DIAPH2: variants seen among roughly 807,000 people sequenced by gnomAD.
DIAPH2 encodes the protein diaphanous related formin 2.
A neutral mutation model predicts 92.7 loss-of-function variants in DIAPH2; 35 were observed. The ratio of observed to expected loss-of-function variants is 0.38; its 90% CI spans 0.29 to 0.50. The LOEUF (loss-of-function observed/expected upper bound fraction) is 0.50, where lower values mean the gene tolerates loss of function less well. DIAPH2 is among the 20% of genes least tolerant of loss of function. The pLI, the probability that DIAPH2 is intolerant of heterozygous loss-of-function variation, is 0.94. For missense variants in DIAPH2, 701 were observed against 819.5 expected (o/e 0.86, Z 1.77); for synonymous variants, 301 against 280.4 (o/e 1.07, Z -0.73).
chrX:97,558,142 A>G (rs537318310), intron 26 of DIAPH2, among the ~76,000 whole-genome samples: 3 of 112,066 alleles, frequency 2.7e-5, no homozygotes, highest in East Asian at 5.6e-4. Context: ...ACAAGGGCAC[A>G]TTCATGTCCT....
chrX:97,440,707 A>G (rs899008074), intron 26 of DIAPH2, among the ~76,000 whole-genome samples: 10 of 110,881 alleles, frequency 9.0e-5, no homozygotes, highest in African/African-American at 3.3e-4. Context: ...GAGCTTTTCA[A>G]AGAGAAAGAG....
chrX:97,351,656 A>C (rs2147694190), intron 24 of DIAPH2, among the ~76,000 whole-genome samples: 1 of 110,894 alleles, frequency 9.0e-6, no homozygotes. Context: ...ACAAAAAATT[A>C]GCCGGGCGTG....
intron 17 of DIAPH2, among the ~76,000 whole-genome samples, chrX:97,040,686 G>C (rs770422405): frequency 1.8e-5 from 2 of 110,354 alleles, no homozygotes; most frequent in African/African-American, 6.6e-5. Context: ...GGAAGTGTTA[G>C]TAACATTTCT....
intron 4 of DIAPH2, among the ~76,000 whole-genome samples, chrX:96,827,236 T>C (rs1401247709): frequency 2.7e-5 from 3 of 111,963 alleles, no homozygotes; most frequent in Non-Finnish European, 5.6e-5. Context: ...ATCATAGGTT[T>C]AAAGCATACT....
rs1287766413 is a variant in DIAPH2 at position 96,888,615 on chromosome X, C to CTG, written c.587+6898_587+6899insGT. Among the ~76,000 whole-genome samples the CTG allele has an allele frequency of 5.3e-5, 5 of 93,589 alleles. No individual in the cohort carries two copies. In the East Asian group the frequency reaches 1.3e-3, roughly 24 times the overall value. The allele number at this position is 93,589 out of a possible 115,157, so 81.3% of individuals were successfully genotyped here. A position where few individuals can be genotyped will look rare whatever the true frequency, so the allele number is the denominator to read the frequency against. ...TACAGATATATATATCTATATATAT[C>CTG]TATATATATACACAGATATATATAT... is the stretch of plus-strand genomic sequence containing the variant. On this transcript the variant is annotated intron_variant, in intron 5 of 26. Coordinates refer to ENST00000324765, the MANE Select transcript of DIAPH2 (RefSeq NM_006729.5).
rs10695870 is a variant in DIAPH2, at chrX:97,402,207, C to CGTGTGTGT, written c.3145+18186_3145+18193dup. Among the ~76,000 whole-genome samples the CGTGTGTGT allele has an allele frequency of 6.8e-3, 681 of 99,842 alleles. 5 individuals are homozygous for CGTGTGTGT. Among genetic ancestry groups the CGTGTGTGT allele is most frequent in the Middle Eastern group, 0.036 (7 of 196 alleles). 86.7% of individuals were successfully genotyped at this position (99,842 alleles called of 115,157 possible). ...AGTGATAAGGAATGATCATTTGCAT[C>CGTGTGTGT]GTGTGTGTGTGTGTGTGTGTGTGTG... On this transcript the variant is annotated intron_variant, in intron 25 of 26. Transcript: ENST00000324765.
intron 3 of DIAPH2, among the ~76,000 whole-genome samples, chrX:96,746,572 G>A (rs1345507653): frequency 6.4e-5 from 7 of 108,664 alleles, no homozygotes; most frequent in Non-Finnish European, 5.7e-5. Context: ...TTGTTTTTTC[G>A]AGATGGAGTC....
chrX:97,585,069 TAC>T (rs1329256660), intron 26 of DIAPH2, among the ~76,000 whole-genome samples: 1 of 111,953 alleles, frequency 8.9e-6, no homozygotes, highest in Non-Finnish European at 1.9e-5. Flanking sequence ...GCTTGGCTTT[TAC>T]GTAATATAAA....
chrX:97,237,645 C>G (rs1299450294), intron 22 of DIAPH2, among the ~76,000 whole-genome samples: 2 of 110,041 alleles, frequency 1.8e-5, no homozygotes, highest in South Asian at 4.0e-4. Context: ...GCAGTGGCGC[C>G]ATCTTGGCTC....
chrX:97,400,991 C>T (rs2069751631), intron 25 of DIAPH2, among the ~76,000 whole-genome samples: 1 of 109,004 alleles, frequency 9.2e-6, no homozygotes, highest in Non-Finnish European at 1.9e-5. Context: ...GTCAGCCTCC[C>T]CACTAGCTAG....
intron 9 of DIAPH2, among the ~76,000 whole-genome samples, chrX:96,929,593 T>C (rs1292030247): frequency 1.8e-5 from 2 of 111,233 alleles, no homozygotes; most frequent in Non-Finnish European, 3.8e-5. Flanking sequence ...CTCTTCTCCC[T>C]ATTTTGGAAA....
intron 26 of DIAPH2, among the ~76,000 whole-genome samples, chrX:97,443,797 A>G (rs762738727): frequency 1.7e-4 from 19 of 112,044 alleles, no homozygotes; most frequent in African/African-American, 5.2e-4. Flanking sequence ...TTTGACTGCT[A>G]CCCCTATGTC....
At chrX:96,748,769 A>G (rs1404226153) in intron 3 of DIAPH2, among the ~76,000 whole-genome samples, 1 of 111,754 alleles carries the variant, frequency 8.9e-6, no homozygotes, top group Non-Finnish European at 1.9e-5. Flanking sequence ...TGTTAGGTAC[A>G]GCAGACATAA....
At chrX:97,167,898 A>G (rs760014666) in intron 22 of DIAPH2, among the ~76,000 whole-genome samples, 1 of 110,855 alleles carries the variant, frequency 9.0e-6, no homozygotes, top group African/African-American at 3.3e-5. Context: ...TCTTTTTCTG[A>G]TCTTTCTTTT....
chrX:97,454,133 AAAATCTATT>A (rs1256455909), intron 26 of DIAPH2: 2 of 112,195 alleles, frequency 1.8e-5, no homozygotes, highest in Admixed American at 9.4e-5. Context: ...TACCTTACTC[AAAATCTATT>A]TATTATGTTA....
intron 26 of DIAPH2, among the ~76,000 whole-genome samples, chrX:97,486,127 G>C (rs2070686713): frequency 9.1e-6 from 1 of 110,304 alleles, no homozygotes; most frequent in South Asian, 3.9e-4. Context: ...AAAAAAATAA[G>C]ATACCCGGTG....
chrX:97,433,471 G>A (rs1257278171), intron 26 of DIAPH2, among the ~76,000 whole-genome samples: 5 of 111,752 alleles, frequency 4.5e-5, no homozygotes, highest in East Asian at 2.8e-4. Context: ...AGTAGAGATC[G>A]TGCCACTGCA....
chrX:97,115,397 G>A lies in DIAPH2; in HGVS notation c.2589+432G>A, dbSNP rs771807593. ...CTAAAATTACAAAAATTAGTGGGGC[G>A]CGGTGACGGGTACCTGTAATCCCAG... On this transcript the variant is annotated intron_variant, in intron 21 of 26. Transcript: ENST00000324765. 2.5e-3 allele frequency among the ~76,000 whole-genome samples: 275 copies of A among 110,229 alleles called. 6 individuals are homozygous for A. Among genetic ancestry groups the A allele is most frequent in the Non-Finnish European group, 2.8e-3 (147 of 52,850 alleles).
intron 5 of DIAPH2, among the ~76,000 whole-genome samples, chrX:96,901,783 C>A (rs1408797868): frequency 9.1e-6 from 1 of 109,987 alleles, no homozygotes; most frequent in East Asian, 2.8e-4. Flanking sequence ...GATCTGCCCG[C>A]CTTGGCCTCC....
Sources: allele counts gnomAD v4.1 joint callset (sites outside exome capture counted in the v4.1 genomes callset), GRCh38; gene constraint gnomAD v4.1.1; transcripts MANE v1.5; gene names NCBI Gene and HGNC (gene_info 2026-07-23, HGNC 2026-07-21).